HHAT: variants seen among roughly 807,000 people sequenced by gnomAD.
HHAT encodes the protein protein-cysteine N-palmitoyltransferase HHAT.
In HHAT, 47 loss-of-function variants were observed where a neutral mutation model predicts 70.8. The ratio of observed to expected loss-of-function variants is 0.66; its 90% CI spans 0.53 to 0.85. The LOEUF is 0.85. Among genes scored for constraint, HHAT ranks in the 40% least tolerant of loss-of-function variants. The probability of loss-of-function intolerance (pLI) is 0.00; values close to 1 mark genes in which losing one functional copy is unlikely to be tolerated. For missense variants in HHAT, 609 were observed against 604.8 expected, an observed-to-expected ratio of 1.01 and a Z score of -0.07; for synonymous variants, 228 against 247.6, an observed-to-expected ratio of 0.92 and a Z score of 0.74.
At chr1:210,375,128 G>T (rs1326724050) in intron 3 of HHAT, among the ~76,000 whole-genome samples, 1 of 127,194 alleles carries the variant, frequency 7.9e-6, no homozygotes, top group Non-Finnish European at 1.6e-5. Context: ...GTTATATGTG[G>T]TTTTATCACA....
intron 4 of HHAT, among the ~76,000 whole-genome samples, chr1:210,391,293 TAAG>T (rs1408502394): frequency 1.3e-5 from 2 of 152,184 alleles, no homozygotes; most frequent in South Asian, 2.1e-4. Flanking sequence ...CAAGATGAAT[TAAG>T]GAGTTAAAAT....
rs186696354 is a variant in HHAT at position 210,474,882 on chromosome 1, G to C, written c.1007+10227G>C. ...TTGTTTGTTTTTGAGACAGGGTCTT[G>C]CTCTGTCACTAAGGTTGGAGTGCAG... On this transcript the variant is annotated intron_variant, in intron 8 of 11. Transcript: ENST00000261458. Among the ~76,000 whole-genome samples the C allele has an allele frequency of 2.0e-3, 292 of 148,570 alleles. 9 individuals carry two copies. In the South Asian group the frequency reaches 0.046, roughly 23 times the overall value.
At chr1:210,648,175 GA>G (rs1674449910) in intron 11 of HHAT, among the ~76,000 whole-genome samples, 1 of 152,158 alleles carries the variant, frequency 6.6e-6, no homozygotes, top group Non-Finnish European at 1.5e-5. Flanking sequence ...AGCTGGTTTG[GA>G]ATGGCTTGGA....
chr1:210,564,937 G>A (rs932236963), intron 9 of HHAT, among the ~76,000 whole-genome samples: 21 of 152,176 alleles, frequency 1.4e-4, no homozygotes, highest in African/African-American at 5.1e-4. Flanking sequence ...TTTAAAAAAA[G>A]CCATTAGGAT....
At chr1:210,339,802 T>C (rs927321896) in intron 1 of HHAT, among the ~76,000 whole-genome samples, 12 of 152,250 alleles carry the variant, frequency 7.9e-5, no homozygotes, top group African/African-American at 2.9e-4. Context: ...TTCATTGTTC[T>C]AAGGCATCAC....
intron 5 of HHAT, among the ~76,000 whole-genome samples, chr1:210,401,322 C>T (rs962763254): frequency 2.0e-5 from 3 of 152,078 alleles, no homozygotes; most frequent in Admixed American, 2.0e-4. Context: ...CCATGTTGGC[C>T]GGGCTGGCCT....
At chr1:210,577,046 T>C (rs11119542) in intron 9 of HHAT, among the ~76,000 whole-genome samples, 30,737 of 151,246 alleles carry the variant, frequency 0.2, 3,281 homozygotes, top group Non-Finnish European at 0.24. Flanking sequence ...TTTTGTATCC[T>C]CTGATTTTAC....
At chr1:210,402,604 A>G (rs1415727544) in intron 5 of HHAT, among the ~76,000 whole-genome samples, 2 of 152,118 alleles carry the variant, frequency 1.3e-5, no homozygotes, top group Non-Finnish European at 2.9e-5. Flanking sequence ...GCTCTTACAA[A>G]CTGGTAAACA....
chr1:210,652,758 A>G (rs2148937874), intron 11 of HHAT, among the ~76,000 whole-genome samples: 1 of 152,350 alleles, frequency 6.6e-6, no homozygotes, highest in South Asian at 2.1e-4. Context: ...ATGTCTCTGA[A>G]GCAAATGAGA....
At chr1:210,466,636 C>G (rs1572646999) in intron 8 of HHAT, among the ~76,000 whole-genome samples, 1 of 152,212 alleles carries the variant, frequency 6.6e-6, no homozygotes. Flanking sequence ...ATGATAAAAC[C>G]ATAACTCCCT....
intron 1 of HHAT, among the ~76,000 whole-genome samples, chr1:210,336,272 C>T (rs1242118440): frequency 8.6e-6 from 1 of 115,732 alleles, no homozygotes; most frequent in Non-Finnish European, 2.0e-5. Context: ...AGGCATGCAC[C>T]ACTGTGCCTG....
chr1:210,604,943 G>A (rs1665073951), intron 10 of HHAT, among the ~76,000 whole-genome samples: 1 of 152,168 alleles, frequency 6.6e-6, no homozygotes, highest in Non-Finnish European at 1.5e-5. Context: ...TTGAGGCCAG[G>A]AGTTCTGTGC....
At chr1:210,430,696 G>A (rs910068483) in intron 7 of HHAT, among the ~76,000 whole-genome samples, 2 of 151,754 alleles carry the variant, frequency 1.3e-5, no homozygotes. Flanking sequence ...TTAGGGTGGA[G>A]GTATACTGAG....
At chr1:210,512,700 ATG>A (rs927097577) in intron 8 of HHAT, among the ~76,000 whole-genome samples, 7 of 149,298 alleles carry the variant, frequency 4.7e-5, no homozygotes, top group Admixed American at 6.7e-5. Flanking sequence ...ACCCATATAT[ATG>A]TGTGTGTGTG....
At chr1:210,375,280 T>C (rs568187619) in intron 3 of HHAT, among the ~76,000 whole-genome samples, 1 of 132,108 alleles carries the variant, frequency 7.6e-6, no homozygotes, top group Non-Finnish European at 1.6e-5. Flanking sequence ...TAAATATATA[T>C]GTATGTGTGT....
intron 8 of HHAT, among the ~76,000 whole-genome samples, chr1:210,467,722 C>T (rs1472017816): frequency 6.6e-6 from 1 of 152,106 alleles, no homozygotes; most frequent in Non-Finnish European, 1.5e-5. Context: ...TGACTTAATG[C>T]TTACCTGAAC....
intron 10 of HHAT, among the ~76,000 whole-genome samples, chr1:210,622,371 G>A (rs1669006391): frequency 6.6e-6 from 1 of 152,206 alleles, no homozygotes; most frequent in Non-Finnish European, 1.5e-5. Flanking sequence ...TCCCGCTGCT[G>A]TGCTGTACCT....
intron 1 of HHAT, among the ~76,000 whole-genome samples, chr1:210,337,075 G>A (rs889551727): frequency 6.6e-6 from 1 of 152,130 alleles, no homozygotes; most frequent in Admixed American, 6.5e-5. Context: ...CTGGCTTGAG[G>A]GAATTTCATA....
At chr1:210,334,065 T>G (rs2085243225) in intron 1 of HHAT, among the ~76,000 whole-genome samples, 1 of 152,016 alleles carries the variant, frequency 6.6e-6, no homozygotes, top group African/African-American at 2.4e-5. Flanking sequence ...CATGTCCCCC[T>G]GAATTCTCTC....
Sources: allele counts gnomAD v4.1 joint callset (sites outside exome capture counted in the v4.1 genomes callset), GRCh38; gene constraint gnomAD v4.1.1; transcripts MANE v1.5; gene names NCBI Gene and HGNC (gene_info 2026-07-23, HGNC 2026-07-21).